The following RELL1 variants were observed in gnomAD, a reference collection of about 807,000 sequenced individuals.
The protein encoded by RELL1 is RELT-like protein 1.
Under a neutral mutation model 23.0 loss-of-function variants are expected in RELL1, and 10 were observed. The observed-to-expected ratio is 0.43, with a 90% CI of 0.27 to 0.74. The LOEUF (loss-of-function observed/expected upper bound fraction) is 0.74. Among genes scored for constraint, RELL1 ranks in the 30% least tolerant of loss-of-function variants. RELL1 has a pLI of 0.19. For missense variants in RELL1, 315 were observed against 364.4 expected (o/e 0.86, Z 1.10); for synonymous variants, 146 against 146.8 (o/e 0.99, Z 0.04).
chr4:37,621,369 T>C (rs908535658), intron 6 of RELL1, among the ~76,000 whole-genome samples: 2 of 151,900 alleles, frequency 1.3e-5, no homozygotes, highest in African/African-American at 4.8e-5. Flanking sequence ...GACAGGAGAA[T>C]GGCGTGAACC....
intron 6 of RELL1, among the ~76,000 whole-genome samples, chr4:37,605,399 G>A (rs1032688926): frequency 7.2e-5 from 11 of 152,008 alleles, no homozygotes; most frequent in African/African-American, 2.4e-4. Flanking sequence ...TCAGGGCTGG[G>A]GCAAGGAAAA....
At chr4:37,649,569 G>T in intron 1 of RELL1, 69 bp from the exon 2 acceptor site, 1 of 1,394,744 alleles carries the variant, frequency 7.2e-7, no homozygotes, top group Non-Finnish European at 1.0e-6. Flanking sequence ...TGACTCTCAG[G>T]TAATGTTCAC....
intron 6 of RELL1, among the ~76,000 whole-genome samples, chr4:37,593,670 A>C (rs999058845): frequency 4.6e-5 from 7 of 152,188 alleles, no homozygotes; most frequent in Non-Finnish European, 7.3e-5. Flanking sequence ...CTCAGAATGC[A>C]GTTACTAAGA....
downstream of RELL1, among the ~76,000 whole-genome samples, chr4:37,608,936 A>C (rs1267794301): frequency 6.6e-6 from 1 of 152,202 alleles, no homozygotes; most frequent in Non-Finnish European, 1.5e-5. Flanking sequence ...CAGCCAGTTC[A>C]TAAGGATTAA....
intron 6 of RELL1, among the ~76,000 whole-genome samples, chr4:37,625,825 T>C (rs953096038): frequency 6.6e-6 from 1 of 152,188 alleles, no homozygotes; most frequent in African/African-American, 2.4e-5. Context: ...AATTTAGCCA[T>C]TCCATAATGT....
At chr4:37,635,222 G>T (rs1465863182) in intron 4 of RELL1, 99 bp from the exon 5 acceptor site, 6 of 861,102 alleles carry the variant, frequency 7.0e-6, no homozygotes, top group Non-Finnish European at 1.1e-5. Context: ...TAAATTGAAA[G>T]AAAAAAAAAA....
intron 1 of RELL1, among the ~76,000 whole-genome samples, chr4:37,668,782 C>G (rs1035427886): frequency 1.5e-5 from 2 of 133,624 alleles, no homozygotes; most frequent in Admixed American, 1.4e-4. Flanking sequence ...AGCGCCTCTT[C>G]CCGGCCGCCA....
At chr4:37,609,875 G>A (rs1719321946), downstream of RELL1, among the ~76,000 whole-genome samples, 1 of 152,192 alleles carries the variant, frequency 6.6e-6, no homozygotes, top group Non-Finnish European at 1.5e-5. Flanking sequence ...TCCTGAGATG[G>A]CATCTACTCC....
In RELL1 at chr4:37,649,698, G is replaced by T. The variant is rs891395707; in HGVS notation, c.89-198C>A. ...GTCTGAGTTTAACTCTGCTACTCAT[G>T]AACCAGGTCCCATGCTGGGTCATTT... On this transcript the variant is annotated intron_variant, in intron 1 of 6. Transcript: ENST00000454158. Among the ~76,000 whole-genome samples, 16 of 152,370 alleles carry T rather than the reference G, an allele frequency of 1.1e-4. No individual in the cohort carries two copies. In the South Asian group the frequency reaches 1.4e-3, roughly 14 times the overall value.
chr4:37,597,040 G>T (rs1450937472), intron 6 of RELL1, among the ~76,000 whole-genome samples: 1 of 151,502 alleles, frequency 6.6e-6, no homozygotes, highest in Non-Finnish European at 1.5e-5. Context: ...GAGTCACCGC[G>T]CCCAGCCCGG....
intron 3 of RELL1, among the ~76,000 whole-genome samples, chr4:37,644,221 A>G (rs1403057440): frequency 6.6e-6 from 1 of 151,892 alleles, no homozygotes; most frequent in Non-Finnish European, 1.5e-5. Context: ...CTATTCGCCC[A>G]TGAGTGTGGG....
intron 6 of RELL1, among the ~76,000 whole-genome samples, chr4:37,621,898 T>G (rs1275277344): frequency 6.6e-6 from 1 of 152,140 alleles, no homozygotes; most frequent in Non-Finnish European, 1.5e-5. Flanking sequence ...TGTTTTAGTA[T>G]CTCCTGTGCA....
intron 6 of RELL1, chr4:37,623,153 A>G: frequency 3.5e-6 from 1 of 286,912 alleles, no homozygotes; most frequent in South Asian, 3.0e-5. Flanking sequence ...CTGAACTAGC[A>G]ATCACAGCTG....
intron 1 of RELL1, among the ~76,000 whole-genome samples, chr4:37,660,764 G>A (rs1484337609): frequency 2.0e-5 from 3 of 152,304 alleles, no homozygotes; most frequent in Admixed American, 6.5e-5. Context: ...GGGCGCGGTG[G>A]CTCACGCCTG....
intron 1 of RELL1, among the ~76,000 whole-genome samples, chr4:37,669,321 C>T (rs1939173629): frequency 6.7e-6 from 1 of 148,266 alleles, no homozygotes; most frequent in African/African-American, 2.5e-5. Context: ...AAGTGAGGAG[C>T]CCCTCTGCCT....
At chr4:37,604,868 C>G (rs201673501) in intron 6 of RELL1, among the ~76,000 whole-genome samples, 1 of 87,516 alleles carries the variant, frequency 1.1e-5, no homozygotes, top group African/African-American at 7.5e-5. Flanking sequence ...CACACACAGA[C>G]ACACACACAC....
chr4:37,594,995 T>TGC (rs1375731484), intron 6 of RELL1, among the ~76,000 whole-genome samples: 3 of 152,240 alleles, frequency 2.0e-5, no homozygotes, highest in Non-Finnish European at 4.4e-5. Flanking sequence ...TCAAGGGCAC[T>TGC]GCTTTTCACA....
intron 6 of RELL1, among the ~76,000 whole-genome samples, chr4:37,597,066 A>G (rs976384362): frequency 6.6e-6 from 1 of 151,588 alleles, no homozygotes; most frequent in African/African-American, 2.4e-5. Context: ...TATTTTTGAA[A>G]GCACATAGAG....
downstream of RELL1, among the ~76,000 whole-genome samples, chr4:37,587,723 C>T (rs1718399480): frequency 6.6e-6 from 1 of 152,172 alleles, no homozygotes; most frequent in Admixed American, 6.5e-5. Flanking sequence ...AATCCCAGAC[C>T]TTTGAGAGGC....
Sources: gnomAD v4.1 joint callset for allele counts (sites outside exome capture counted in the v4.1 genomes callset) on GRCh38, gnomAD v4.1.1 for gene constraint, MANE v1.5 for transcripts, NCBI Gene and HGNC (gene_info 2026-07-23, HGNC 2026-07-21) for gene names.